Variants in HIBCH observed in about 807,000 individuals in gnomAD.
HIBCH encodes the protein 3-hydroxyisobutyryl-CoA hydrolase.
Under a neutral mutation model 58.2 loss-of-function variants are expected in HIBCH, and 50 were observed. The observed-to-expected ratio is 0.86, with a 90% CI of 0.68 to 1.09. The LOEUF is 1.09. HIBCH is among the 50% of genes least tolerant of loss of function. The pLI, the probability that HIBCH is intolerant of heterozygous loss-of-function variation, is 0.00. For synonymous variants in HIBCH, 151 were observed against 146.9 expected, an observed-to-expected ratio of 1.03 and a Z score of -0.20; for missense variants, 450 against 449.7, an observed-to-expected ratio of 1.00 and a Z score of -0.01.
intron 11 of HIBCH, among the ~76,000 whole-genome samples, chr2:190,226,685 T>C (rs984450491): frequency 5.4e-5 from 8 of 149,100 alleles, no homozygotes; most frequent in Middle Eastern, 3.5e-3. Flanking sequence ...AACCCCATCA[T>C]CTCAGCCCCA....
chr2:190,190,628 AG>A (rs895196976), intron 1 of HIBCH, among the ~76,000 whole-genome samples: 6 of 152,338 alleles, frequency 3.9e-5, no homozygotes, highest in African/African-American at 1.4e-4. Flanking sequence ...GAAACAGCCA[AG>A]GAATTCTTTA....
At chr2:190,203,870 C>T (rs1173906074), downstream of HIBCH, 1 of 151,938 alleles carries the variant, frequency 6.6e-6, no homozygotes, top group East Asian at 1.9e-4. Context: ...TTCTTACAAA[C>T]CTGAAGTTCA....
In HIBCH at chr2:190,294,004, GTAATATATATTT is replaced by G. The variant is rs1385189817; in HGVS notation, c.304+530_304+541del. Among the ~76,000 whole-genome samples, 4 of 118,800 alleles carry G rather than the reference GTAATATATATTT, an allele frequency of 3.4e-5. No individual in the cohort carries two copies. In the East Asian group the frequency reaches 8.0e-4, roughly 24 times the overall value. 77.9% of individuals were successfully genotyped at this position (118,800 alleles called of 152,430 possible). On this transcript the variant is annotated intron_variant, in intron 4 of 13. Coordinates refer to ENST00000359678, the MANE Select transcript of HIBCH (RefSeq NM_014362.4). ...AAAATATACTTACAATATATATTTTGTAATATATATTTTGTGTGTATATATATATATATATAT... is the reference window on the plus strand; with the variant it reads ...AAAATATACTTACAATATATATTTTGTGTGTGTATATATATATATATATAT...
chr2:190,253,524 C>T (rs1575727234), intron 7 of HIBCH, among the ~76,000 whole-genome samples: 1 of 152,156 alleles, frequency 6.6e-6, no homozygotes, highest in Non-Finnish European at 1.5e-5. Context: ...TCACCTACCT[C>T]AATAAAGGGT....
chr2:190,317,828 CTT>C (rs1240933820), intron 1 of HIBCH, among the ~76,000 whole-genome samples: 15 of 142,416 alleles, frequency 1.1e-4, no homozygotes, highest in South Asian at 2.2e-4. Context: ...TCCTTTTTTC[CTT>C]TTTTTTTTTT....
rs558044372 is a variant in HIBCH, at chr2:190,277,003, T to G, written c.438+10583A>C. Among the ~76,000 whole-genome samples, 26 of 152,328 alleles carry G rather than the reference T, an allele frequency of 1.7e-4. No individual in the cohort carries two copies. The South Asian group carries it at 5.2e-3, about 30-fold the overall frequency. ...TATTTTTATTTCTATCTTAATTAAT[T>G]CCATTTTTCCACAAACTTTTTGACG... On this transcript the variant is annotated intron_variant, in intron 6 of 13. Coordinates refer to ENST00000359678, the MANE Select transcript of HIBCH (RefSeq NM_014362.4).
chr2:190,260,401 T>C (rs1687055137), intron 7 of HIBCH: 1 of 152,178 alleles, frequency 6.6e-6, no homozygotes, highest in Admixed American at 6.5e-5. Flanking sequence ...ACCACTTACA[T>C]AAATGAAGAA....
chr2:190,271,750 CACTTAA>C (rs1357539356), intron 6 of HIBCH, among the ~76,000 whole-genome samples: 1 of 152,162 alleles, frequency 6.6e-6, no homozygotes, highest in Non-Finnish European at 1.5e-5. Context: ...TGCTAAAAAG[CACTTAA>C]TTAGCTCTCC....
In HIBCH at chr2:190,244,968, A is replaced by G; in HGVS notation, c.810T>C (p.Ser270=). 6.3e-7 allele frequency: 1 copy of G among 1,582,118 alleles called. No individual in the cohort carries two copies. Among genetic ancestry groups the G allele is most frequent in the Non-Finnish European group, 8.7e-7 (1 of 1,150,936 alleles). ...ILEEHMDKIN[S]CFSANTVEEI... is the part of the protein sequence containing the mutation. ...CTTCCACAGTATTGGCTGAAAAACA[A>G]CTATAAAAAAAGGAAATGTGATTTC... Residue 270 remains serine (S), a splice_region_variant and synonymous_variant, in exon 11 of 14, where the codon AGT becomes AGC. Transcript: ENST00000359678.
chr2:190,307,743 T>C (rs1198139206), intron 2 of HIBCH, among the ~76,000 whole-genome samples: 1 of 152,228 alleles, frequency 6.6e-6, no homozygotes, highest in East Asian at 1.9e-4. Context: ...AATATTTTCA[T>C]AGTAAGAATA....
chr2:190,301,630 T>C (rs1229054055), intron 2 of HIBCH, among the ~76,000 whole-genome samples: 1 of 152,228 alleles, frequency 6.6e-6, no homozygotes, highest in Non-Finnish European at 1.5e-5. Flanking sequence ...CAAACACAAC[T>C]GTCTTAGTCC....
intron 13 of HIBCH, among the ~76,000 whole-genome samples, chr2:190,205,947 C>T (rs909419609): frequency 1.3e-5 from 2 of 152,120 alleles, no homozygotes; most frequent in African/African-American, 4.8e-5. Flanking sequence ...GGAAGGTATG[C>T]AAGATCTCTA....
intron 9 of HIBCH, among the ~76,000 whole-genome samples, chr2:190,248,037 T>G (rs945047318): frequency 2.6e-5 from 4 of 152,202 alleles, no homozygotes. Flanking sequence ...ATATTATTCT[T>G]TGAATTACCT....
chr2:190,269,162 C>T (rs1038651024), intron 6 of HIBCH, among the ~76,000 whole-genome samples: 12 of 152,192 alleles, frequency 7.9e-5, no homozygotes, highest in African/African-American at 2.9e-4. Context: ...CCATTCAGGA[C>T]ATAGGCATTG....
intron 1 of HIBCH, among the ~76,000 whole-genome samples, chr2:190,194,385 A>G (rs1689864027): frequency 6.6e-6 from 1 of 151,578 alleles, no homozygotes; most frequent in South Asian, 2.1e-4. Context: ...TAGTGGGTGT[A>G]TTTTTTAAAA....
chr2:190,290,113 A>T (rs900541267), intron 5 of HIBCH, among the ~76,000 whole-genome samples: 2 of 152,202 alleles, frequency 1.3e-5, no homozygotes, highest in Non-Finnish European at 2.9e-5. Flanking sequence ...TCCTGAACTC[A>T]GGTGATCCAC....
intron 7 of HIBCH, among the ~76,000 whole-genome samples, chr2:190,257,219 G>A (rs567582973): frequency 1.3e-5 from 2 of 152,272 alleles, no homozygotes; most frequent in Non-Finnish European, 2.9e-5. Context: ...CAAAAATAAG[G>A]AAGAGAGAAG....
intron 11 of HIBCH, among the ~76,000 whole-genome samples, chr2:190,241,033 T>C (rs2105929564): frequency 6.6e-6 from 1 of 152,348 alleles, no homozygotes; most frequent in South Asian, 2.1e-4. Flanking sequence ...ATATCCTTGT[T>C]AATTTTCTGT....
intron 3 of HIBCH, among the ~76,000 whole-genome samples, chr2:190,295,793 A>G (rs951889764): frequency 2.0e-5 from 3 of 152,208 alleles, no homozygotes; most frequent in Non-Finnish European, 2.9e-5. Context: ...TGGTATCTCA[A>G]ACAGAAACAT....
Sources: gnomAD v4.1 joint callset for allele counts (sites outside exome capture counted in the v4.1 genomes callset) on GRCh38, gnomAD v4.1.1 for gene constraint, MANE v1.5 for transcripts, NCBI Gene and HGNC (gene_info 2026-07-23, HGNC 2026-07-21) for gene names.